MAPK8: variants seen among roughly 807,000 people sequenced by gnomAD.
MAPK8 encodes mitogen-activated protein kinase 8, also known as JUN N-terminal kinase.
In MAPK8, 13 loss-of-function variants were observed where a neutral mutation model predicts 52.9. The ratio of observed to expected loss-of-function variants is 0.25; its 90% CI spans 0.16 to 0.39. The LOEUF (loss-of-function observed/expected upper bound fraction) is 0.39, where lower values mean the gene tolerates loss of function less well. Ranked by LOEUF, MAPK8 falls within the 10% of genes least tolerant of loss-of-function variation. The pLI is 1.00. For missense variants in MAPK8, 300 were observed against 519.2 expected (o/e 0.58, Z 4.10); for synonymous variants, 191 against 169.8 (o/e 1.12, Z -0.97).
At chr10:48,362,479 T>C (rs960331933) in intron 1 of MAPK8, among the ~76,000 whole-genome samples, 2 of 147,936 alleles carry the variant, frequency 1.4e-5, no homozygotes, top group Non-Finnish European at 3.0e-5. Context: ...GGAAATCATA[T>C]ACTGTTCATG....
In MAPK8 at chr10:48,404,868, A is replaced by G. The variant is rs2042377938; in HGVS notation, c.139A>G (p.Ile47Val). The G allele has an allele frequency of 1.2e-6, 2 of 1,602,568 alleles. No homozygotes were observed. Among genetic ancestry groups the G allele is most frequent in the Non-Finnish European group, 1.7e-6 (2 of 1,175,688 alleles). The change falls in exon 3 of 12, where the codon ATT becomes GTT. Residue 47 changes from isoleucine (I) to valine (V), a missense_variant. Physicochemically the swap from Ile to Val is conservative, Grantham distance 29. Transcript: ENST00000374189. ...TTATTACAGCGCAGCTTATGATGCC[A>G]TTCTTGAAAGAAATGTTGCAATCAA... Reference protein sequence around the residue: ...QGIVCAAYDAILERNVAIKKL... With the variant: ...QGIVCAAYDAVLERNVAIKKL...
chr10:48,317,945 C>A (rs1364944645), intron 1 of MAPK8, among the ~76,000 whole-genome samples: 1 of 151,522 alleles, frequency 6.6e-6, no homozygotes, highest in Non-Finnish European at 1.5e-5. Flanking sequence ...TGTGACCCCC[C>A]ACCCCCCCAG....
chr10:48,322,486 G>A (rs898532635), intron 1 of MAPK8, among the ~76,000 whole-genome samples: 9 of 152,264 alleles, frequency 5.9e-5, no homozygotes, highest in African/African-American at 1.7e-4. Flanking sequence ...TAGCAATCCC[G>A]AATCATCTTA....
chr10:48,362,672 A>G (rs1847643407), intron 1 of MAPK8, among the ~76,000 whole-genome samples: 1 of 152,048 alleles, frequency 6.6e-6, no homozygotes, highest in Non-Finnish European at 1.5e-5. Flanking sequence ...ATGTGCCTCC[A>G]AAATTTAAGT....
chr10:48,427,475 T>A (rs2043758003), intron 10 of MAPK8: 1 of 174,594 alleles, frequency 5.7e-6, no homozygotes, highest in Admixed American at 5.7e-5. Context: ...GTATGCTATA[T>A]GTACTTGCTT....
chr10:48,401,427 A>G (rs2042153954), intron 1 of MAPK8, among the ~76,000 whole-genome samples, 185 bp from the exon 2 acceptor site: 1 of 152,156 alleles, frequency 6.6e-6, no homozygotes. Context: ...AAAAACTATC[A>G]GTCATTCATA....
intron 3 of MAPK8, 142 bp downstream of exon 3, chr10:48,405,123 A>G (rs1589211909): frequency 3.7e-6 from 1 of 267,294 alleles, no homozygotes; most frequent in Non-Finnish European, 7.0e-6. Flanking sequence ...ATATATATAT[A>G]TATATCTACA....
At position 48,426,251 on chromosome 10, in the gene MAPK8, A is replaced by G. The variant is rs542753984; in HGVS notation, c.872-129A>G. 2.3e-4 allele frequency: 193 copies of G among 857,712 alleles called. No homozygotes were observed. The African/African-American group carries it at 3.1e-3, about 14-fold the overall frequency. 53.1% of individuals were successfully genotyped at this position (857,712 alleles called of 1,614,324 possible). ...CTTTAATCTTATATATTTTAATCAT[A>G]TGTATAAGATAATTTTACAGTAATA... On this transcript the variant is annotated intron_variant, in intron 8 of 11. Transcript: ENST00000374189.
At chr10:48,359,648 C>G (rs536856707) in intron 1 of MAPK8, among the ~76,000 whole-genome samples, 1 of 152,154 alleles carries the variant, frequency 6.6e-6, no homozygotes, top group Non-Finnish European at 1.5e-5. Flanking sequence ...TGTGACAGAA[C>G]ACCATTGCAG....
intron 1 of MAPK8, among the ~76,000 whole-genome samples, chr10:48,384,623 TTAAAGACCTCTTCTAAA>T (rs1383687063): frequency 4.6e-5 from 7 of 152,316 alleles, no homozygotes; most frequent in Non-Finnish European, 7.3e-5. Context: ...TACCCCTAGG[TTAAAGACCTCTTCTAAA>T]AAAGAAGGGT....
At chr10:48,409,122 C>T (rs747053836) in intron 3 of MAPK8, among the ~76,000 whole-genome samples, 1 of 152,000 alleles carries the variant, frequency 6.6e-6, no homozygotes, top group Non-Finnish European at 1.5e-5. Flanking sequence ...ATCTGTAACA[C>T]TAGTGTTAGA....
chr10:48,341,218 C>T (rs1225480370), intron 1 of MAPK8, among the ~76,000 whole-genome samples: 1 of 152,084 alleles, frequency 6.6e-6, no homozygotes, highest in African/African-American at 2.4e-5. Flanking sequence ...AATGTTTTTT[C>T]CTTAGGAAAA....
chr10:48,403,224 C>A (rs1275940973), intron 2 of MAPK8, among the ~76,000 whole-genome samples: 2 of 152,094 alleles, frequency 1.3e-5, no homozygotes, highest in East Asian at 3.9e-4. Flanking sequence ...CTTTGGGAGG[C>A]CGAGGTGGGT....
At chr10:48,425,830 T>TACAAGAATACATTCTTGTAA (rs376494413) in intron 7 of MAPK8, 58 bp from the exon 8 acceptor site, 32 of 928,754 alleles carry the variant, frequency 3.4e-5, no homozygotes, top group Non-Finnish European at 4.4e-5. Context: ...GTAATATGAA[T>TACAAGAATACATTCTTGTAA]ATGACTAATG....
intron 1 of MAPK8, among the ~76,000 whole-genome samples, chr10:48,367,230 G>A (rs900378602): frequency 6.6e-6 from 1 of 152,020 alleles, no homozygotes; most frequent in African/African-American, 2.4e-5. Flanking sequence ...AGCAAGCTTG[G>A]TGGTACACGC....
chr10:48,326,287 A>T (rs970402032), intron 1 of MAPK8, among the ~76,000 whole-genome samples: 4 of 152,212 alleles, frequency 2.6e-5, no homozygotes, highest in African/African-American at 9.6e-5. Context: ...TTATAGTCCA[A>T]TACTATTAAT....
At chr10:48,315,076 G>A (rs1842364379) in intron 1 of MAPK8, among the ~76,000 whole-genome samples, 1 of 152,034 alleles carries the variant, frequency 6.6e-6, no homozygotes, top group Non-Finnish European at 1.5e-5. Flanking sequence ...TTTTATTATT[G>A]TAGTTTATGC....
At chr10:48,334,089 C>T (rs1844426535) in intron 1 of MAPK8, among the ~76,000 whole-genome samples, 2 of 152,328 alleles carry the variant, frequency 1.3e-5, no homozygotes, top group African/African-American at 4.8e-5. Context: ...TTCCTGGCTG[C>T]TGACTCATAG....
intron 11 of MAPK8, among the ~76,000 whole-genome samples, chr10:48,433,239 TAAC>T (rs1197652837): frequency 6.6e-6 from 1 of 152,224 alleles, no homozygotes; most frequent in Non-Finnish European, 1.5e-5. Flanking sequence ...ATTAAAAAGT[TAAC>T]AATGCATTTA....
Sources: allele counts gnomAD v4.1 joint callset (sites outside exome capture counted in the v4.1 genomes callset), GRCh38; gene constraint gnomAD v4.1.1; transcripts MANE v1.5; gene names NCBI Gene and HGNC (gene_info 2026-07-23, HGNC 2026-07-21).